Variants in CACNA2D3 observed in about 807,000 individuals in gnomAD.
CACNA2D3 encodes the protein calcium voltage-gated channel auxiliary subunit alpha2delta 3.
A neutral mutation model predicts 160.6 loss-of-function variants in CACNA2D3; 60 were observed. The ratio of observed to expected loss-of-function variants is 0.37; its 90% CI spans 0.30 to 0.46. The LOEUF (loss-of-function observed/expected upper bound fraction) is 0.46, where lower values mean the gene tolerates loss of function less well. Among genes scored for constraint, CACNA2D3 ranks in the 20% least tolerant of loss-of-function variants. The pLI is 1.00. For missense variants in CACNA2D3, 1,205 were observed against 1,365.0 expected (o/e 0.88, Z 1.85); for synonymous variants, 558 against 492.9 (o/e 1.13, Z -1.75).
chr3:54,451,229 C>CTGTT (rs1700301755), intron 4 of CACNA2D3, among the ~76,000 whole-genome samples: 1 of 51,732 alleles, frequency 1.9e-5, no homozygotes, highest in Non-Finnish European at 3.2e-5. Flanking sequence ...ATATAATAAT[C>CTGTT]TTTTTTTTTT....
At chr3:54,507,597 C>G (rs575594910) in intron 5 of CACNA2D3, among the ~76,000 whole-genome samples, 7 of 152,272 alleles carry the variant, frequency 4.6e-5, no homozygotes, top group African/African-American at 1.7e-4. Context: ...TTTCATGGTT[C>G]TTATAAGCAA....
intron 11 of CACNA2D3, among the ~76,000 whole-genome samples, chr3:54,749,249 A>G (rs1012876081): frequency 5.3e-5 from 8 of 152,238 alleles, no homozygotes; most frequent in Admixed American, 4.6e-4. Flanking sequence ...TACCTTTACC[A>G]GTACATCATG....
intron 11 of CACNA2D3, among the ~76,000 whole-genome samples, chr3:54,723,529 C>T (rs1007529923): frequency 1.7e-4 from 26 of 152,190 alleles, no homozygotes; most frequent in Admixed American, 2.6e-4. Flanking sequence ...GGGTAGGCAC[C>T]GGAGGGAATC....
chr3:55,018,995 C>A (rs1166863400), intron 35 of CACNA2D3, among the ~76,000 whole-genome samples: 1 of 143,464 alleles, frequency 7.0e-6, no homozygotes, highest in Non-Finnish European at 1.5e-5. Context: ...GTTGCCTGGG[C>A]TGGTCTCAAA....
At chr3:55,028,486 ACTGT>A (rs1410735802) in intron 35 of CACNA2D3, among the ~76,000 whole-genome samples, 1 of 152,176 alleles carries the variant, frequency 6.6e-6, no homozygotes, top group Non-Finnish European at 1.5e-5. Context: ...GGCATTTGTG[ACTGT>A]CAACAAGTTG....
intron 35 of CACNA2D3, among the ~76,000 whole-genome samples, chr3:55,023,393 A>G (rs2107166352): frequency 6.6e-6 from 1 of 152,256 alleles, no homozygotes; most frequent in Middle Eastern, 3.4e-3. Flanking sequence ...TGCTTAAACA[A>G]TCTATTGAGC....
At chr3:54,256,490 C>G (rs1702296203) in intron 2 of CACNA2D3, among the ~76,000 whole-genome samples, 1 of 152,136 alleles carries the variant, frequency 6.6e-6, no homozygotes, top group South Asian at 2.1e-4. Flanking sequence ...CTGGATATGG[C>G]AGACCCTGAT....
At position 54,896,804 on chromosome 3, in the gene CACNA2D3, C is replaced by T; in HGVS notation, c.2302C>T (p.Leu768Phe). 6.2e-7 allele frequency: 1 copy of T among 1,614,034 alleles called. No homozygotes were observed. The highest frequency in any genetic ancestry group is 2.2e-5 in the East Asian group (1 of 44,872). Residue 768 changes from leucine to phenylalanine, a missense_variant, in exon 26 of 38, where the codon CTC becomes TTC. Leu to Phe is a conservative substitution (Grantham distance 22). Around this residue, in one of 3 missense-constraint regions of CACNA2D3, gnomAD observed 911 missense variants for 1,002.2 expected, o/e 0.91. Coordinates refer to ENST00000474759, the MANE Select transcript of CACNA2D3 (RefSeq NM_018398.3). ...ENIFNADHFPLWYRRAAEQIP... is the reference protein window; with the variant it reads ...ENIFNADHFPFWYRRAAEQIP... ...CATTTTTAACGCAGACCATTTCCCT[C>T]TCTGGTACCGAAGAGCCGCTGAGCA...
At chr3:54,550,561 G>A (rs913184410) in intron 5 of CACNA2D3, among the ~76,000 whole-genome samples, 1 of 152,216 alleles carries the variant, frequency 6.6e-6, no homozygotes, top group Non-Finnish European at 1.5e-5. Flanking sequence ...GGAGACAGAC[G>A]GGAAGAATGG....
intron 31 of CACNA2D3, among the ~76,000 whole-genome samples, chr3:54,994,981 A>T (rs2011156): frequency 0.3 from 46,099 of 151,588 alleles, 7,159 homozygotes; most frequent in Admixed American, 0.35. Context: ...TTATTTATTT[A>T]TTTTTTCTTG....
intron 4 of CACNA2D3, among the ~76,000 whole-genome samples, chr3:54,465,215 T>C (rs1218988164): frequency 6.6e-6 from 1 of 152,070 alleles, no homozygotes; most frequent in South Asian, 2.1e-4. Context: ...ATCTAAATCA[T>C]TGTTGAATGT....
chr3:54,343,196 C>G (rs369091208), intron 3 of CACNA2D3, among the ~76,000 whole-genome samples: 4 of 152,312 alleles, frequency 2.6e-5, no homozygotes, highest in African/African-American at 2.4e-5. Context: ...AAGCCCCCCC[C>G]TCCCACGAGG....
rs779443874 is a variant in CACNA2D3, at chr3:54,546,697, TGCACACACACACGCGC to T, written c.545-16090_545-16075del. Among the ~76,000 whole-genome samples, 367 of 102,214 alleles carry T rather than the reference TGCACACACACACGCGC, an allele frequency of 3.6e-3. 3 individuals carry two copies. Among genetic ancestry groups the T allele is most frequent in the Non-Finnish European group, 7.0e-3 (283 of 40,404 alleles). The allele number at this position is 102,214 out of a possible 152,430, so 67.1% of individuals were successfully genotyped here. A position where few individuals can be genotyped will look rare whatever the true frequency, so the allele number is the denominator to read the frequency against. ...CATGATTACACCAGAGATCAACACA[TGCACACACACACGCGC>T]GCACACACACACACACACAGACGGT... On this transcript the variant is annotated intron_variant, in intron 5 of 37. Transcript: ENST00000474759.
At chr3:55,034,752 TAAA>T (rs1703775263) in intron 35 of CACNA2D3, among the ~76,000 whole-genome samples, 1 of 152,268 alleles carries the variant, frequency 6.6e-6, no homozygotes, top group East Asian at 1.9e-4. Context: ...CATAATTTCT[TAAA>T]AAACTAACCA....
chr3:54,897,290 A>AAGGACTG (rs1202150898), intron 26 of CACNA2D3, among the ~76,000 whole-genome samples: 3 of 152,186 alleles, frequency 2.0e-5, no homozygotes, highest in African/African-American at 7.2e-5. Context: ...ATGCCGGACT[A>AAGGACTG]AGGACTGACT....
chr3:54,440,123 C>G (rs1700120336), intron 4 of CACNA2D3, among the ~76,000 whole-genome samples: 1 of 152,170 alleles, frequency 6.6e-6, no homozygotes, highest in Non-Finnish European at 1.5e-5. Flanking sequence ...GCCCTGATCT[C>G]TCTCCTCTCT....
At chr3:54,770,052 C>T (rs1702291295) in intron 13 of CACNA2D3, among the ~76,000 whole-genome samples, 2 of 152,148 alleles carry the variant, frequency 1.3e-5, no homozygotes. Flanking sequence ...GGTAGCAGCC[C>T]CCTTCACCCT....
At chr3:54,575,417 A>G (rs1327213227) in intron 8 of CACNA2D3, among the ~76,000 whole-genome samples, 1 of 152,028 alleles carries the variant, frequency 6.6e-6, no homozygotes, top group East Asian at 1.9e-4. Flanking sequence ...TTTCTGTGCC[A>G]ATTTTTTTTC....
In CACNA2D3 at chr3:54,763,796, TATG is replaced by T. The variant is rs1334461269; in HGVS notation, c.1247-421_1247-419del. On this transcript the variant is annotated intron_variant, in intron 12 of 37. Transcript: ENST00000474759. ...ATATATGTACATATATATGTATATA[TATG>T]TACATATATATACATATATATATAC... Among the ~76,000 whole-genome samples the T allele has an allele frequency of 1.2e-4, 3 of 24,866 alleles. 1 individual carries two copies. Among genetic ancestry groups the T allele is most frequent in the Non-Finnish European group, 2.7e-4 (3 of 10,984 alleles). 16.3% of individuals were successfully genotyped at this position (24,866 alleles called of 152,430 possible). A position where few individuals can be genotyped will look rare whatever the true frequency, so the allele number is the denominator to read the frequency against.
Sources: gnomAD v4.1 joint callset for allele counts (sites outside exome capture counted in the v4.1 genomes callset) on GRCh38, gnomAD v4.1.1 for gene constraint, gnomAD v4.1.1 regional missense constraint, MANE v1.5 for transcripts, NCBI Gene and HGNC (gene_info 2026-07-23, HGNC 2026-07-21) for gene names.